The following AGMO variants were observed in gnomAD, a reference collection of about 807,000 sequenced individuals.
AGMO encodes the protein alkylglycerol monooxygenase.
In AGMO, 75 loss-of-function variants were observed where a neutral mutation model predicts 60.2. That is an observed-to-expected ratio of 1.25 (90% CI 1.03 to 1.51). AGMO has a LOEUF of 1.51. AGMO is among the 40% of genes most tolerant of loss of function. The pLI, the probability that AGMO is intolerant of heterozygous loss-of-function variation, is 0.00. For synonymous variants in AGMO, 261 were observed against 177.1 expected, an observed-to-expected ratio of 1.47 and a Z score of -3.76; for missense variants, 763 against 525.5, an observed-to-expected ratio of 1.45 and a Z score of -4.42.
At chr7:15,146,312 C>T in the AGMO span, among the ~76,000 whole-genome samples, 4 of 151,980 alleles carry the variant, frequency 2.6e-5, no homozygotes, top group Non-Finnish European at 4.4e-5. Flanking sequence ...TAAGAATGTA[C>T]ATAATTTATA....
At chr7:15,230,201 G>A (rs1036490452) in intron 12 of AGMO, among the ~76,000 whole-genome samples, 15 of 152,064 alleles carry the variant, frequency 9.9e-5, no homozygotes, top group African/African-American at 2.2e-4. Context: ...ATTGGTGGCT[G>A]GATACAGAAG....
chr7:15,453,268 G>A (rs1021266073), intron 3 of AGMO, among the ~76,000 whole-genome samples: 1 of 152,180 alleles, frequency 6.6e-6, no homozygotes, highest in African/African-American at 2.4e-5. Context: ...CTGGGAAGGA[G>A]AGTAAAGAAA....
rs940399052 is a variant in AGMO, at chr7:15,254,370, C to T, written c.1264-53011G>A. ...TACCACTAACAGAGTATCAGAGTTC[C>T]CCTTTCTCTACATCCTCGCCAGCAT... On this transcript the variant is annotated intron_variant, in intron 12 of 12. Transcript: ENST00000342526. Among the ~76,000 whole-genome samples, 11 of 152,090 alleles carry T rather than the reference C, an allele frequency of 7.2e-5. 1 individual carries two copies. The highest frequency in any genetic ancestry group is 2.7e-4 in the African/African-American group (11 of 41,444).
At chr7:15,427,734 T>G (rs549803834) in intron 4 of AGMO, among the ~76,000 whole-genome samples, 1 of 152,058 alleles carries the variant, frequency 6.6e-6, no homozygotes, top group African/African-American at 2.4e-5. Flanking sequence ...TCTTAAGACA[T>G]GATAGTAGGA....
At chr7:15,559,593 A>C (rs528100536) in intron 2 of AGMO, among the ~76,000 whole-genome samples, 1 of 152,142 alleles carries the variant, frequency 6.6e-6, no homozygotes, top group Admixed American at 6.6e-5. Context: ...ATCCAAAAGC[A>C]AAGCCAGAGA....
At chr7:15,374,771 C>A (rs942333572) in intron 10 of AGMO, among the ~76,000 whole-genome samples, 2 of 151,938 alleles carry the variant, frequency 1.3e-5, no homozygotes, top group African/African-American at 4.8e-5. Context: ...GGTGGATTCC[C>A]TGAATTGTGG....
chr7:15,559,261 CT>C (rs1785237706), intron 2 of AGMO, among the ~76,000 whole-genome samples: 1 of 152,052 alleles, frequency 6.6e-6, no homozygotes, highest in Non-Finnish European at 1.5e-5. Flanking sequence ...GAACATACAC[CT>C]CTTGCTCTCA....
intron 3 of AGMO, among the ~76,000 whole-genome samples, chr7:15,531,927 C>G (rs924657001): frequency 5.9e-5 from 9 of 151,842 alleles, no homozygotes; most frequent in Non-Finnish European, 1.2e-4. Flanking sequence ...CCTTGGCCTC[C>G]CAGAATTCTG....
At chr7:15,219,907 C>T (rs992994958) in intron 12 of AGMO, among the ~76,000 whole-genome samples, 1 of 152,160 alleles carries the variant, frequency 6.6e-6, no homozygotes, top group Non-Finnish European at 1.5e-5. Flanking sequence ...TCCAGACAAG[C>T]CAGATGGCTT....
chr7:15,336,304 A>C (rs958633275), intron 12 of AGMO, among the ~76,000 whole-genome samples: 13 of 152,108 alleles, frequency 8.5e-5, no homozygotes, highest in Admixed American at 3.3e-4. Flanking sequence ...TTGTTTATTT[A>C]GAAAATCTCA....
chr7:15,280,918 T>C (rs564975910), intron 12 of AGMO, among the ~76,000 whole-genome samples: 1 of 152,196 alleles, frequency 6.6e-6, no homozygotes, highest in African/African-American at 2.4e-5. Context: ...CTCCTGCCCG[T>C]TGTTGGGATA....
chr7:15,371,420 C>T (rs1583469703), intron 10 of AGMO, among the ~76,000 whole-genome samples: 1 of 150,518 alleles, frequency 6.6e-6, no homozygotes, highest in Admixed American at 6.6e-5. Context: ...GACAGAATTT[C>T]GTTCTTGTTG....
At chr7:15,342,801 A>AAAAAC (rs778682811) in intron 12 of AGMO, among the ~76,000 whole-genome samples, 6,127 of 107,802 alleles carry the variant, frequency 0.057, 782 homozygotes, top group African/African-American at 0.097. Context: ...AAAAAAAAAA[A>AAAAAC]AAAATTGATC....
intron 12 of AGMO, among the ~76,000 whole-genome samples, chr7:15,204,975 T>A (rs1182987496): frequency 6.6e-6 from 1 of 152,118 alleles, no homozygotes; most frequent in Non-Finnish European, 1.5e-5. Context: ...TAGGGACATA[T>A]CATCTCACCC....
chr7:15,196,250 T>C, downstream of AGMO, among the ~76,000 whole-genome samples: 1 of 151,948 alleles, frequency 6.6e-6, no homozygotes, highest in East Asian at 1.9e-4. Flanking sequence ...GGTTTCACCA[T>C]ATTGATCAGG....
At chr7:15,382,615 G>A (rs983930121) in intron 10 of AGMO, among the ~76,000 whole-genome samples, 11 of 152,310 alleles carry the variant, frequency 7.2e-5, no homozygotes, top group African/African-American at 2.2e-4. Flanking sequence ...AGGGCAGGAT[G>A]ACTGGAGTTA....
At chr7:15,154,686 C>CT in the AGMO span, among the ~76,000 whole-genome samples, 1 of 152,108 alleles carries the variant, frequency 6.6e-6, no homozygotes. Flanking sequence ...TATATAGTTG[C>CT]TTTATAGTGT....
At chr7:15,532,680 C>T (rs1784398968) in intron 3 of AGMO, among the ~76,000 whole-genome samples, 2 of 148,144 alleles carry the variant, frequency 1.4e-5, no homozygotes, top group South Asian at 4.4e-4. Flanking sequence ...AGCAAGAGAG[C>T]ATCTTGTCAA....
At chr7:15,421,028 T>C (rs886987531) in intron 4 of AGMO, among the ~76,000 whole-genome samples, 6 of 152,176 alleles carry the variant, frequency 3.9e-5, no homozygotes, top group Non-Finnish European at 1.5e-5. Flanking sequence ...GAGTGGATTT[T>C]ATTCTCTTAC....
Sources: gnomAD v4.1 joint callset for allele counts (sites outside exome capture counted in the v4.1 genomes callset) on GRCh38, gnomAD v4.1.1 for gene constraint, MANE v1.5 for transcripts, NCBI Gene and HGNC (gene_info 2026-07-23, HGNC 2026-07-21) for gene names.